LTN1: variants seen among roughly 807,000 people sequenced by gnomAD.
LTN1 encodes the protein E3 ubiquitin-protein ligase listerin.
LTN1 carries 88 observed loss-of-function variants against 201.2 expected under a neutral mutation model. The observed-to-expected ratio is 0.44, with a 90% CI of 0.37 to 0.52. LTN1 has a LOEUF of 0.52. LTN1 is among the 20% of genes least tolerant of loss of function. The probability of loss-of-function intolerance (pLI) is 0.00; values close to 1 mark genes in which losing one functional copy is unlikely to be tolerated. For synonymous variants in LTN1, 645 were observed against 713.5 expected, an observed-to-expected ratio of 0.90 and a Z score of 1.53; for missense variants, 1,752 against 2,038.7, an observed-to-expected ratio of 0.86 and a Z score of 2.71.
chr21:28,971,482 T>G (rs768291487), intron 6 of LTN1, 38 bp from the exon 7 acceptor site: 12 of 1,577,058 alleles, frequency 7.6e-6, no homozygotes, highest in Admixed American at 1.7e-5. Context: ...TAAAACCTAG[T>G]AAAACTTGAT....
rs1269021449 is a variant in LTN1, at chr21:28,960,584, A to C, written c.2286T>G (p.Ser762=). The C allele has an allele frequency of 1.2e-6, 2 of 1,613,910 alleles. No individual in the cohort carries two copies. The highest frequency in any genetic ancestry group is 1.7e-6 in the Non-Finnish European group (2 of 1,179,824). Residue 762 remains serine (S), a synonymous_variant, in exon 12 of 30, where the codon TCT becomes TCG. Transcript: ENST00000361371. ...ATCTTTCTGAGAAGTGAGATTCTGAAGATACCCTGGATTCCAAGTCCTCAT... is the reference window on the plus strand; with the variant it reads ...ATCTTTCTGAGAAGTGAGATTCTGACGATACCCTGGATTCCAAGTCCTCAT... ...LCNEDLESRV[S]SESHFSERWT...
chr21:28,955,740 T>G (rs746852878), intron 16 of LTN1, among the ~76,000 whole-genome samples: 6 of 151,774 alleles, frequency 4.0e-5, no homozygotes, highest in Non-Finnish European at 7.4e-5. Flanking sequence ...CTGGCCAACA[T>G]AGTGAAACCC....
chr21:28,955,714 G>A (rs2084419396), intron 16 of LTN1, among the ~76,000 whole-genome samples: 1 of 151,908 alleles, frequency 6.6e-6, no homozygotes, highest in East Asian at 1.9e-4. Flanking sequence ...CACGAGGTCA[G>A]GAGTTCAAGA....
chr21:28,958,558 C>A lies in LTN1; in HGVS notation c.2594-19G>T. 1 of 1,566,792 alleles carries A rather than the reference C, an allele frequency of 6.4e-7. No homozygotes were observed. The highest frequency in any genetic ancestry group is 8.7e-7 in the Non-Finnish European group (1 of 1,154,924). On this transcript the variant is annotated intron_variant, in intron 13 of 29. Transcript: ENST00000361371. ...AGAAAATCTAAAATCAAGATGTCAA[C>A]AGGAATTTGTAATCTCACTGAATTA...
chr21:28,951,831 G>GT (rs1337802907), intron 18 of LTN1, among the ~76,000 whole-genome samples: 3 of 152,006 alleles, frequency 2.0e-5, no homozygotes, highest in African/African-American at 7.2e-5. Flanking sequence ...TTAGCCAGGT[G>GT]TGGTAGTGCA....
chr21:28,945,863 G>C lies in LTN1; in HGVS notation c.3712C>G (p.Pro1238Ala), dbSNP rs762231960. The change falls in exon 21 of 30, where the codon CCT becomes GCT. Residue 1238 changes from proline to alanine, a missense_variant. Physicochemically the swap from Pro to Ala is conservative, Grantham distance 27 (BLOSUM62 -1). Transcript: ENST00000361371. ...AAGTCCCACTCACTCTCTGCCAAAG[G>C]GGATGAGCAGTATTTCAGAAATAGG... Reference protein sequence around the residue: ...LSLFLKYCSSPLAESEWDFIM... With the variant: ...LSLFLKYCSSALAESEWDFIM... 2 of 1,613,752 alleles carry C rather than the reference G, an allele frequency of 1.2e-6. No individual in the cohort carries two copies. Among genetic ancestry groups the C allele is most frequent in the South Asian group, 1.1e-5 (1 of 91,060 alleles).
At chr21:28,963,899 AGCAACT>A (rs2084499818) in intron 11 of LTN1, among the ~76,000 whole-genome samples, 14 of 152,200 alleles carry the variant, frequency 9.2e-5, no homozygotes, top group Admixed American at 8.5e-4. Flanking sequence ...TAGTGTAGGA[AGCAACT>A]GCAGATGTGG....
chr21:28,934,245 G>C (rs929347102), intron 27 of LTN1, among the ~76,000 whole-genome samples: 1 of 152,166 alleles, frequency 6.6e-6, no homozygotes, highest in Non-Finnish European at 1.5e-5. Context: ...TGGTGACTGG[G>C]ACACAGTGCT....
chr21:28,958,540 C>A lies in LTN1; in HGVS notation c.2594-1G>T. 1 of 1,588,200 alleles carries A rather than the reference C, an allele frequency of 6.3e-7. No homozygotes were observed. Among genetic ancestry groups the A allele is most frequent in the Non-Finnish European group, 8.5e-7 (1 of 1,170,382 alleles). ...TTTTTCAGTTTACAGATAAGAAAAT[C>A]TAAAATCAAGATGTCAACAGGAATT... On this transcript the variant is annotated splice_acceptor_variant, in intron 13 of 29. Coordinates refer to ENST00000361371, the MANE Select transcript of LTN1 (RefSeq NM_015565.3). LOFTEE classifies it high-confidence loss of function.
In LTN1 at chr21:28,978,292, G is replaced by A. The variant is rs114507086; in HGVS notation, c.810+2827C>T. ...AGTGACCCACCTGCCTTGGCCTCCC[G>A]AAGTTCTGGGATTACTGGCATAAGC... is the stretch of plus-strand genomic sequence containing the variant. On this transcript the variant is annotated intron_variant, in intron 6 of 29. Coordinates refer to ENST00000361371, the MANE Select transcript of LTN1 (RefSeq NM_015565.3). Among the ~76,000 whole-genome samples the A allele has an allele frequency of 7.1e-3, 1,086 of 152,182 alleles. 13 individuals are homozygous for A. Among genetic ancestry groups the A allele is most frequent in the African/African-American group, 0.025 (1,027 of 41,518 alleles).
At chr21:28,935,463 C>G (rs1336141421) in intron 26 of LTN1, 134 bp from the exon 27 acceptor site, 4 of 616,554 alleles carry the variant, frequency 6.5e-6, no homozygotes, top group Non-Finnish European at 2.9e-6. Flanking sequence ...AACAAACATA[C>G]CAGAGAAACC....
rs529504212 is a variant in LTN1, at chr21:28,959,703, G to A, written c.2354-6C>T. 2 of 1,580,468 alleles carry A rather than the reference G, an allele frequency of 1.3e-6. No homozygotes were observed. The highest frequency in any genetic ancestry group is 1.2e-5 in the South Asian group (1 of 85,608). ...TACGTCTCCAATCAAGTAATCTGGAGAAAAAAAGGTTCAAACAGACAAAAA... is the reference window on the plus strand; with the variant it reads ...TACGTCTCCAATCAAGTAATCTGGAAAAAAAAAGGTTCAAACAGACAAAAA... On this transcript the variant is annotated splice_region_variant and splice_polypyrimidine_tract_variant and intron_variant, in intron 12 of 29. Coordinates refer to ENST00000361371, the MANE Select transcript of LTN1 (RefSeq NM_015565.3).
At position 28,932,741 on chromosome 21, in the gene LTN1, TA is replaced by T. The variant is rs1290354969; in HGVS notation, c.4876-78del. The T allele has an allele frequency of 6.3e-6, 6 of 946,202 alleles. No individual in the cohort carries two copies. The Admixed American group carries it at 1.3e-4, about 20-fold the overall frequency. The allele number at this position is 946,202 out of a possible 1,614,324, so 58.6% of individuals were successfully genotyped here. A position where few individuals can be genotyped will look rare whatever the true frequency, so the allele number is the denominator to read the frequency against. On this transcript the variant is annotated intron_variant, in intron 27 of 29. Coordinates refer to ENST00000361371, the MANE Select transcript of LTN1 (RefSeq NM_015565.3). ...GAAAACATTTTGATAGGTTGACTAT[TA>T]AAAGCTAAAGACTTCATTCAAGGAC...
intron 6 of LTN1, among the ~76,000 whole-genome samples, chr21:28,978,037 G>C (rs2084630220): frequency 6.6e-6 from 1 of 151,674 alleles, no homozygotes; most frequent in South Asian, 2.1e-4. Flanking sequence ...CTGAATGTAT[G>C]ATTTTTTTTT....
rs1317060661 is a variant in LTN1 at position 28,960,680 on chromosome 21, A to G, written c.2190T>C (p.Ala730=). ...EKACPSSDKH[A]LVTPWLKGDI... ...CGCCTTTGAGCCAAGGAGTTACTAA[A>G]GCATGTTTATCTGAACTAGGACATG... The change falls in exon 12 of 30, where the codon GCT becomes GCC. Residue 730 remains alanine, a synonymous_variant. Coordinates refer to ENST00000361371, the MANE Select transcript of LTN1 (RefSeq NM_015565.3). 3 of 1,613,870 alleles carry G rather than the reference A, an allele frequency of 1.9e-6. No individual in the cohort carries two copies. The highest frequency in any genetic ancestry group is 2.5e-6 in the Non-Finnish European group (3 of 1,179,862).
intron 20 of LTN1, 67 bp from the exon 21 acceptor site, chr21:28,946,018 C>T: frequency 1.4e-6 from 2 of 1,468,496 alleles, no homozygotes; most frequent in East Asian, 2.3e-5. Context: ...AAGTATGCTA[C>T]TTTAAATCTT....
chr21:28,947,890 T>TAAAAA lies in LTN1; in HGVS notation c.3345-289_3345-285dup, dbSNP rs35151968. 2.9e-3 allele frequency among the ~76,000 whole-genome samples: 418 copies of TAAAAA among 144,344 alleles called. 2 individuals carry two copies. The highest frequency in any genetic ancestry group is 4.5e-3 in the Non-Finnish European group (298 of 65,926). 94.7% of individuals were successfully genotyped at this position (144,344 alleles called of 152,430 possible). A position where few individuals can be genotyped will look rare whatever the true frequency, so the allele number is the denominator to read the frequency against. On this transcript the variant is annotated intron_variant, in intron 18 of 29. Transcript: ENST00000361371. ...AGCCACATGACATTATGTCCTCTTTTAAAAAAAAAAAAGAGTCAATTGCGG... is the reference window on the plus strand; with the variant it reads ...AGCCACATGACATTATGTCCTCTTTTAAAAAAAAAAAAAAAAAGAGTCAATTGCGG...
At chr21:28,944,184 T>C (rs1056917354) in intron 22 of LTN1, among the ~76,000 whole-genome samples, 199 bp downstream of exon 22, 12 of 152,232 alleles carry the variant, frequency 7.9e-5, no homozygotes, top group Non-Finnish European at 1.5e-4. Context: ...GCAACAGTCA[T>C]TGGATACCTT....
At chr21:28,961,819 C>G (rs2084481499) in intron 11 of LTN1, among the ~76,000 whole-genome samples, 1 of 152,008 alleles carries the variant, frequency 6.6e-6, no homozygotes, top group Non-Finnish European at 1.5e-5. Context: ...CCAGCCTGAC[C>G]AACCAACACG....
Sources: allele counts gnomAD v4.1 joint callset (sites outside exome capture counted in the v4.1 genomes callset), GRCh38; gene constraint gnomAD v4.1.1; transcripts MANE v1.5; gene names NCBI Gene and HGNC (gene_info 2026-07-23, HGNC 2026-07-21).